SLC5A11: variants seen among roughly 807,000 people sequenced by gnomAD.
SLC5A11 encodes the protein sodium/myo-inositol cotransporter 2.
In SLC5A11, 48 loss-of-function variants were observed where a neutral mutation model predicts 69.8. The ratio of observed to expected loss-of-function variants is 0.69; its 90% CI spans 0.55 to 0.87. The LOEUF (loss-of-function observed/expected upper bound fraction) is 0.87, where lower values mean the gene tolerates loss of function less well. Among genes scored for constraint, SLC5A11 ranks in the 40% least tolerant of loss-of-function variants. The pLI, the probability that SLC5A11 is intolerant of heterozygous loss-of-function variation, is 0.00. For synonymous variants in SLC5A11, 319 were observed against 342.4 expected (o/e 0.93, Z 0.75); for missense variants, 784 against 866.1 (o/e 0.91, Z 1.19).
chr16:24,910,578 G>A, intron 15 of SLC5A11, 101 bp downstream of exon 16: 1 of 1,326,968 alleles, frequency 7.5e-7, no homozygotes, highest in Non-Finnish European at 1.0e-6. Flanking sequence ...AAAGTGGGCA[G>A]ACTTGGAGTT....
chr16:24,908,237 G>C, intron 13 of SLC5A11, 106 bp downstream of exon 14: 1 of 1,302,588 alleles, frequency 7.7e-7, no homozygotes, highest in Non-Finnish European at 1.1e-6. Context: ...CTGGAATTGG[G>C]TGTTGAGAGG....
At chr16:24,907,434 T>G (rs1221018204) in intron 12 of SLC5A11, among the ~76,000 whole-genome samples, 1 of 152,092 alleles carries the variant, frequency 6.6e-6, no homozygotes, top group Non-Finnish European at 1.5e-5. Context: ...TTAACCCAGC[T>G]GGGCGAGGTG....
chr16:24,852,709 G>A (rs1368348406), intron 1 of SLC5A11, among the ~76,000 whole-genome samples: 2 of 152,206 alleles, frequency 1.3e-5, no homozygotes, highest in Non-Finnish European at 2.9e-5. Context: ...AAACCCAGAG[G>A]ACGGGGCCAA....
At chr16:24,906,224 C>A (rs950613503) in intron 10 of SLC5A11, among the ~76,000 whole-genome samples, 2 of 151,718 alleles carry the variant, frequency 1.3e-5, no homozygotes, top group Non-Finnish European at 2.9e-5. Flanking sequence ...GCCTGTAATC[C>A]CAGCTTCTCG....
intron 3 of SLC5A11, among the ~76,000 whole-genome samples, chr16:24,863,589 G>A (rs1425636397): frequency 6.6e-6 from 1 of 152,036 alleles, no homozygotes; most frequent in East Asian, 1.9e-4. Context: ...CGGTGTCATT[G>A]GGAAAGGCAG....
Position 24,901,929 on chromosome 16 carries a change from A to ACACACACAC in SLC5A11, c.1006+3820_1006+3821insCACACACAC, listed in dbSNP as rs1567684557. Among the ~76,000 whole-genome samples the ACACACACAC allele has an allele frequency of 1.3e-3, 142 of 111,328 alleles. 1 individual carries two copies. Among genetic ancestry groups the ACACACACAC allele is most frequent in the African/African-American group, 4.9e-3 (132 of 27,032 alleles). 73.0% of individuals were successfully genotyped at this position (111,328 alleles called of 152,430 possible). On this transcript the variant is annotated intron_variant, in intron 10 of 15. Transcript: ENST00000347898. Reference sequence around the variant, plus strand: ...GCAAGATCCCATCTCTGGAAAAAAAAATACACACACACACACACACACACA... The same window carrying ACACACACAC: ...GCAAGATCCCATCTCTGGAAAAAAAACACACACACATACACACACACACACACACACACA...
intron 5 of SLC5A11, 55 bp from the exon 7 acceptor site, chr16:24,875,572 G>GA: frequency 7.0e-7 from 1 of 1,433,438 alleles, no homozygotes; most frequent in Non-Finnish European, 9.7e-7. Context: ...GTGTGGGGGG[G>GA]TCACGTGCTG....
intron 8 of SLC5A11, among the ~76,000 whole-genome samples, chr16:24,887,083 A>G (rs551281480): frequency 1.4e-3 from 206 of 152,318 alleles, no homozygotes; most frequent in Non-Finnish European, 2.2e-3. Context: ...AGCAAGGGCT[A>G]CAGATGTGTT....
intron 10 of SLC5A11, among the ~76,000 whole-genome samples, chr16:24,901,728 A>ACT (rs2049607456): frequency 6.6e-6 from 1 of 152,118 alleles, no homozygotes; most frequent in Non-Finnish European, 1.5e-5. Context: ...AGTGAACAAG[A>ACT]CTACAGGATC....
At chr16:24,875,722 C>G (rs2047628367) in exon 6 of SLC5A11, 1 of 1,613,570 alleles carries the variant, frequency 6.2e-7, no homozygotes, top group South Asian at 1.1e-5. Context: ...ACATCTTCAC[C>G]AAGATCTCGG....
chr16:24,867,274 T>C (rs1277198947), intron 3 of SLC5A11, among the ~76,000 whole-genome samples: 2 of 151,990 alleles, frequency 1.3e-5, no homozygotes, highest in Non-Finnish European at 2.9e-5. Flanking sequence ...AAATAACCAA[T>C]GGGCCAAAGA....
intron 7 of SLC5A11, among the ~76,000 whole-genome samples, chr16:24,880,387 T>A (rs953442086): frequency 6.6e-6 from 1 of 152,012 alleles, no homozygotes; most frequent in African/African-American, 2.4e-5. Flanking sequence ...ATGGCTGGAG[T>A]GCAATGGTGC....
chr16:24,876,463 G>A (rs2047681074), intron 6 of SLC5A11, among the ~76,000 whole-genome samples: 2 of 152,140 alleles, frequency 1.3e-5, no homozygotes, highest in Non-Finnish European at 2.9e-5. Flanking sequence ...GATCTCCTAG[G>A]AAGTGGCAAA....
chr16:24,895,703 G>A (rs2049114795), intron 9 of SLC5A11, among the ~76,000 whole-genome samples: 1 of 152,100 alleles, frequency 6.6e-6, no homozygotes, highest in South Asian at 2.1e-4. Flanking sequence ...TGTCCAGTGG[G>A]CATGAGTACC....
chr16:24,886,223 C>T (rs531600980), intron 8 of SLC5A11, among the ~76,000 whole-genome samples: 4 of 151,998 alleles, frequency 2.6e-5, no homozygotes, highest in South Asian at 4.2e-4. Context: ...TTAGTAGGGA[C>T]GGGGTTTCAC....
At chr16:24,870,662 C>T (rs1480539931) in intron 4 of SLC5A11, among the ~76,000 whole-genome samples, 1 of 151,230 alleles carries the variant, frequency 6.6e-6, no homozygotes, top group Non-Finnish European at 1.5e-5. Context: ...TGCCTGTAAT[C>T]CTAGCTACTC....
chr16:24,862,834 A>G (rs1169241103), intron 3 of SLC5A11, among the ~76,000 whole-genome samples, 162 bp downstream of exon 4: 1 of 150,318 alleles, frequency 6.7e-6, no homozygotes, highest in Non-Finnish European at 1.5e-5. Context: ...CGTTTAAACA[A>G]CAACAAAAAA....
chr16:24,862,578 C>A, intron 2 of SLC5A11, 23 bp from the exon 4 acceptor site: 1 of 1,599,676 alleles, frequency 6.3e-7, no homozygotes, highest in Non-Finnish European at 8.5e-7. Flanking sequence ...TTCCCTCACC[C>A]ACCTCTCTTC....
At chr16:24,877,098 C>A in intron 6 of SLC5A11, 160 bp from the exon 8 acceptor site, 1 of 1,488,052 alleles carries the variant, frequency 6.7e-7, no homozygotes, top group Non-Finnish European at 8.9e-7. Context: ...GCTGAAGACC[C>A]CTGATCTGGG....
Sources: gnomAD v4.1 joint callset for allele counts (sites outside exome capture counted in the v4.1 genomes callset) on GRCh38, gnomAD v4.1.1 for gene constraint, MANE v1.5 for transcripts, NCBI Gene and HGNC (gene_info 2026-07-23, HGNC 2026-07-21) for gene names.